The following NRAS variants were observed in gnomAD, a reference collection of about 807,000 sequenced individuals.
NRAS encodes NRAS proto-oncogene, GTPase.
In NRAS, 6 loss-of-function variants were observed where a neutral mutation model predicts 21.3. That is an observed-to-expected ratio of 0.28 (90% CI 0.15 to 0.56). The LOEUF (loss-of-function observed/expected upper bound fraction) is 0.56. Among genes scored for constraint, NRAS ranks in the 20% least tolerant of loss-of-function variants. The pLI is 0.93. For missense variants in NRAS, 143 were observed against 231.3 expected (o/e 0.62, Z 2.48); for synonymous variants, 84 against 82.0 (o/e 1.02, Z -0.13).
In NRAS at chr1:114,706,264, T is replaced by A. The variant is rs1187651263; in HGVS notation, c.*1830A>T. The A allele has an allele frequency of 6.6e-6, 1 of 152,212 alleles. No homozygotes were observed. The highest frequency in any genetic ancestry group is 1.5e-5 in the Non-Finnish European group (1 of 68,032). The allele number at this position is 152,212 out of a possible 1,614,324, so 9.4% of individuals were successfully genotyped here. A position where few individuals can be genotyped will look rare whatever the true frequency, so the allele number is the denominator to read the frequency against. ...TTCATAATATAGAAGATGGAGGACC[T>A]CAGTAAGTATTTAGATATTAAAGAC... On this transcript the variant is annotated 3_prime_UTR_variant, in exon 7 of 7. Transcript: ENST00000369535.
chr1:114,709,756 A>G (rs2101739067), intron 3 of NRAS, 28 bp from the exon 4 acceptor site: 1 of 1,598,410 alleles, frequency 6.3e-7, no homozygotes, highest in Non-Finnish European at 8.6e-7. Flanking sequence ...TTATCAGAAC[A>G]TAAGAAAAAC....
In NRAS at chr1:114,713,865, G is replaced by A. The variant is rs142739534; in HGVS notation, c.225C>T (p.Gly75=). 2.0e-4 allele frequency: 323 copies of A among 1,613,638 alleles called. 1 individual carries two copies. The African/African-American group carries it at 3.7e-3, about 18-fold the overall frequency. Residue 75 remains glycine (G), a synonymous_variant, in exon 3 of 7, where the codon GGC becomes GGT. Transcript: ENST00000369535. ...TGGCAAATACACAGAGGAAGCCTTC[G>A]CCTGTCCTCATGTATTGGTCTCTCA... ...SAMRDQYMRT[G]EGFLCVFAIN...
intron 3 of NRAS, among the ~76,000 whole-genome samples, chr1:114,710,848 T>G (rs927379992): frequency 2.0e-5 from 3 of 152,194 alleles, no homozygotes; most frequent in African/African-American, 7.2e-5. Context: ...CCAAAGAGCT[T>G]GGCTCTGGAT....
In NRAS at chr1:114,704,897, G is replaced by C. The variant is rs1243448595; in HGVS notation, c.*3197C>G. 6.6e-6 allele frequency: 1 copy of C among 152,178 alleles called. No homozygotes were observed. The highest frequency in any genetic ancestry group is 6.5e-5 in the Admixed American group (1 of 15,272). The allele number at this position is 152,178 out of a possible 1,614,324, so 9.4% of individuals were successfully genotyped here. A position where few individuals can be genotyped will look rare whatever the true frequency, so the allele number is the denominator to read the frequency against. On this transcript the variant is annotated 3_prime_UTR_variant, in exon 7 of 7. Transcript: ENST00000369535. ...TGTGTGGCACATTAGACTGCTCAAA[G>C]AAACAGCAAAGATGAAAAATAATGT...
chr1:114,709,848 G>A (rs1457166257), intron 3 of NRAS, 120 bp from the exon 4 acceptor site: 5 of 791,530 alleles, frequency 6.3e-6, no homozygotes, highest in Non-Finnish European at 1.1e-5. Context: ...TTGAACCCAG[G>A]AGTTTGAGAT....
intron 3 of NRAS, among the ~76,000 whole-genome samples, chr1:114,712,834 T>C (rs1358735951): frequency 2.0e-5 from 3 of 152,234 alleles, no homozygotes; most frequent in Non-Finnish European, 2.9e-5. Flanking sequence ...GAAAGCCACA[T>C]AGCCCCTGAG....
intron 2 of NRAS, among the ~76,000 whole-genome samples, chr1:114,715,350 G>A (rs1235589332): frequency 1.3e-5 from 2 of 152,108 alleles, no homozygotes; most frequent in Non-Finnish European, 2.9e-5. Flanking sequence ...AGAGCCTTAG[G>A]TGCCACTTAC....
rs767679721 is a variant in NRAS at position 114,709,731 on chromosome 1, A to G, written c.291-3T>C. 3 of 1,608,086 alleles carry G rather than the reference A, an allele frequency of 1.9e-6. No individual in the cohort carries two copies. Among genetic ancestry groups the G allele is most frequent in the Admixed American group, 1.7e-5 (1 of 59,982 alleles). Reference sequence around the variant, plus strand: ...CTTTTACTCGCTTAATCTGCTCCCTAAAAACGGGAATATATTATCAGAACA... The same window carrying G: ...CTTTTACTCGCTTAATCTGCTCCCTGAAAACGGGAATATATTATCAGAACA... On this transcript the variant is annotated splice_region_variant and splice_polypyrimidine_tract_variant and intron_variant, in intron 3 of 6. Coordinates refer to ENST00000369535, the MANE Select transcript of NRAS (RefSeq NM_002524.5).
chr1:114,712,927 C>G (rs1659077244), intron 3 of NRAS, among the ~76,000 whole-genome samples: 1 of 152,190 alleles, frequency 6.6e-6, no homozygotes, highest in African/African-American at 2.4e-5. Context: ...TTTAAGAACA[C>G]TGTGCTAAGA....
In NRAS at chr1:114,708,615, G is replaced by A. The variant is rs1658971260; in HGVS notation, c.490C>T (p.Arg164Cys). Residue 164 changes from arginine to cysteine, a missense_variant, in exon 5 of 7, where the codon CGC becomes TGC. Transcript: ENST00000369535. Reference protein sequence around the residue: ...DAFYTLVREIRQYRMKKLNSS... With the variant: ...DAFYTLVREICQYRMKKLNSS... ...TTGAGTTTTTTCATTCGGTACTGGC[G>A]TATTTCTCTTACCAGTGTGTAAAAA... 5 of 1,611,952 alleles carry A rather than the reference G, an allele frequency of 3.1e-6. No homozygotes were observed. The highest frequency in any genetic ancestry group is 4.2e-6 in the Non-Finnish European group (5 of 1,178,312).
intron 2 of NRAS, among the ~76,000 whole-genome samples, chr1:114,714,709 AT>A (rs1162847615): frequency 5.9e-5 from 9 of 152,212 alleles, no homozygotes; most frequent in Non-Finnish European, 1.2e-4. Flanking sequence ...CTACATGACT[AT>A]ATAGAAACGC....
intron 5 of NRAS, 90 bp downstream of exon 5, chr1:114,708,441 A>G (rs1658964058): frequency 3.9e-6 from 5 of 1,268,874 alleles, no homozygotes; most frequent in Non-Finnish European, 5.8e-6. Flanking sequence ...GAAACTCAAA[A>G]AACATATAGA....
At chr1:114,712,946 C>T (rs1223914535) in intron 3 of NRAS, among the ~76,000 whole-genome samples, 1 of 152,160 alleles carries the variant, frequency 6.6e-6, no homozygotes, top group Non-Finnish European at 1.5e-5. Context: ...GAAAAAGGAG[C>T]TTTGGGTTTT....
chr1:114,709,531 T>C, intron 4 of NRAS, 38 bp downstream of exon 4: 1 of 1,552,130 alleles, frequency 6.4e-7, no homozygotes, highest in Non-Finnish European at 8.9e-7. Flanking sequence ...AATCAACTGA[T>C]GCAAACTCTT....
chr1:114,710,910 G>T (rs1659031028), intron 3 of NRAS, among the ~76,000 whole-genome samples: 1 of 152,228 alleles, frequency 6.6e-6, no homozygotes, highest in African/African-American at 2.4e-5. Context: ...AGTATAAAAA[G>T]TGAAGCTCAC....
rs2101738641 is a variant in NRAS, at chr1:114,709,584, T to C, written c.435A>G (p.Ser145=). ...TGTACCATACCTGTCTGGTCTTGGCTGAGGTTTCAATGAATGGAATCCCGT... is the reference window on the plus strand; with the variant it reads ...TGTACCATACCTGTCTGGTCTTGGCCGAGGTTTCAATGAATGGAATCCCGT... The part of the protein sequence containing the change: ...KSYGIPFIET[S]AKTRQGVEDA... Residue 145 remains serine (S), a synonymous_variant, in exon 4 of 7, where the codon TCA becomes TCG. Coordinates refer to ENST00000369535, the MANE Select transcript of NRAS (RefSeq NM_002524.5). 1 of 1,614,126 alleles carries C rather than the reference T, an allele frequency of 6.2e-7. No homozygotes were observed. Among genetic ancestry groups the C allele is most frequent in the African/African-American group, 1.3e-5 (1 of 75,054 alleles).
chr1:114,716,599 G>A, intron 1 of NRAS, 59 bp downstream of exon 1: 1 of 319,270 alleles, frequency 3.1e-6, no homozygotes, highest in South Asian at 2.8e-5. Context: ...TCTGGCATCA[G>A]TGAAACGCCT....
chr1:114,707,811 C>T lies in NRAS; in HGVS notation c.*283G>A, dbSNP rs1337288129. ...TTTTCAGATGAAAAACCTGGGGTGG[C>T]AGAGGTGTGTTTGTGCTGTGGAAGA... is the stretch of plus-strand genomic sequence containing the variant. On this transcript the variant is annotated 3_prime_UTR_variant, in exon 7 of 7. Transcript: ENST00000369535. 1 of 152,626 alleles carries T rather than the reference C, an allele frequency of 6.6e-6. No homozygotes were observed. Among genetic ancestry groups the T allele is most frequent in the Non-Finnish European group, 1.5e-5 (1 of 68,078 alleles). 9.5% of individuals were successfully genotyped at this position (152,626 alleles called of 1,614,324 possible).
At chr1:114,715,574 CT>C (rs752827135) in intron 2 of NRAS, among the ~76,000 whole-genome samples, 4 of 152,132 alleles carry the variant, frequency 2.6e-5, no homozygotes, top group Non-Finnish European at 5.9e-5. Context: ...ACTAAATAAA[CT>C]GCAAACAGGG....
Sources: gnomAD v4.1 joint callset for allele counts (sites outside exome capture counted in the v4.1 genomes callset) on GRCh38, gnomAD v4.1.1 for gene constraint, MANE v1.5 for transcripts, NCBI Gene and HGNC (gene_info 2026-07-23, HGNC 2026-07-21) for gene names.